GMNN: variants seen among roughly 807,000 people sequenced by gnomAD.
GMNN encodes geminin.
A neutral mutation model predicts 20.9 loss-of-function variants in GMNN; 14 were observed. The observed-to-expected ratio is 0.67, with a 90% CI of 0.44 to 1.05. The LOEUF (loss-of-function observed/expected upper bound fraction) is 1.05, where lower values mean the gene tolerates loss of function less well. Among genes scored for constraint, GMNN ranks in the 50% least tolerant of loss-of-function variants. The pLI, the probability that GMNN is intolerant of heterozygous loss-of-function variation, is 0.00. For synonymous variants in GMNN, 81 were observed against 85.8 expected (o/e 0.94, Z 0.31); for missense variants, 227 against 243.8 (o/e 0.93, Z 0.46).
chr6:24,780,262 G>A (rs1780174259), intron 2 of GMNN, among the ~76,000 whole-genome samples: 2 of 152,032 alleles, frequency 1.3e-5, no homozygotes. Flanking sequence ...TTAGAATTTT[G>A]TCATATGTGG....
intron 6 of GMNN, 64 bp from the exon 7 acceptor site, chr6:24,785,574 C>T (rs1780331355): frequency 1.3e-6 from 1 of 765,984 alleles, no homozygotes; most frequent in East Asian, 2.6e-5. Flanking sequence ...TCAGCTATAT[C>T]AGTATGCTGA....
In GMNN at chr6:24,781,464, G is replaced by A; in HGVS notation, c.130-13G>A. ...ATCAAAGTAAATACAGTTGATAAGT[G>A]TTTTCATTATAGCTGTCCGCAGGCT... On this transcript the variant is annotated splice_polypyrimidine_tract_variant and intron_variant, in intron 3 of 6. Coordinates refer to ENST00000230056, the MANE Select transcript of GMNN (RefSeq NM_015895.5). 1 of 1,561,010 alleles carries A rather than the reference G, an allele frequency of 6.4e-7. No homozygotes were observed.
intron 2 of GMNN, among the ~76,000 whole-genome samples, chr6:24,778,050 G>A (rs1335286420): frequency 2.6e-5 from 4 of 152,176 alleles, no homozygotes; most frequent in Non-Finnish European, 2.9e-5. Flanking sequence ...CAGCAGGACA[G>A]AGTTTGTTTA....
chr6:24,783,908 G>A (rs1007825245), intron 4 of GMNN, among the ~76,000 whole-genome samples, 179 bp from the exon 5 acceptor site: 6 of 151,916 alleles, frequency 3.9e-5, no homozygotes, highest in South Asian at 2.1e-4. Flanking sequence ...CTGAAGGATT[G>A]AAATCTTGGA....
chr6:24,783,144 C>T (rs1274726867), intron 4 of GMNN, among the ~76,000 whole-genome samples: 1 of 152,014 alleles, frequency 6.6e-6, no homozygotes, highest in East Asian at 1.9e-4. Context: ...TAAGGAAGTA[C>T]TCAAAAACGG....
chr6:24,784,269 G>T (rs1288892357), intron 5 of GMNN, 100 bp downstream of exon 5: 2 of 737,006 alleles, frequency 2.7e-6, no homozygotes, highest in African/African-American at 3.6e-5. Flanking sequence ...TTTAGTATTG[G>T]CTTAAGAAAA....
rs778546231 is a variant in GMNN, at chr6:24,781,593, C to G, written c.246C>G (p.Thr82=). ...AAAATAAAAATCTTGGAGGAGTCAC[C>G]CAGGAGTCATTTGATCTTATGATTA... is the stretch of plus-strand genomic sequence containing the variant. The part of the protein sequence containing the change: ...SSENKNLGGV[T]QESFDLMIKE... The change falls in exon 4 of 7, where the codon ACC becomes ACG. Residue 82 remains threonine (T), a synonymous_variant. Transcript: ENST00000230056. The G allele has an allele frequency of 1.3e-5, 19 of 1,516,838 alleles. No individual in the cohort carries two copies. In the South Asian group the frequency reaches 2.1e-4, roughly 17 times the overall value. The allele number at this position is 1,516,838 out of a possible 1,614,324, so 94.0% of individuals were successfully genotyped here.
At chr6:24,784,294 G>T in intron 5 of GMNN, 125 bp downstream of exon 5, 1 of 690,478 alleles carries the variant, frequency 1.4e-6, no homozygotes, top group South Asian at 1.7e-5. Flanking sequence ...AAGTAAAAAG[G>T]CAGCTCTTGA....
At chr6:24,775,343 T>A (rs1184566510) in intron 1 of GMNN, 99 bp downstream of exon 1, 1 of 152,250 alleles carries the variant, frequency 6.6e-6, no homozygotes, top group Non-Finnish European at 1.5e-5. Flanking sequence ...TTTGGCGCGC[T>A]CTCACTTCCG....
intron 4 of GMNN, 63 bp from the exon 5 acceptor site, chr6:24,784,024 G>A (rs1780284841): frequency 1.4e-6 from 1 of 732,712 alleles, no homozygotes. Flanking sequence ...AAATTTTTTT[G>A]AAACAAATTA....
intron 3 of GMNN, 95 bp from the exon 4 acceptor site, chr6:24,781,382 A>AT: frequency 1.4e-6 from 1 of 714,738 alleles, no homozygotes; most frequent in South Asian, 2.0e-5. Flanking sequence ...AAAGTTAGAT[A>AT]TGCGTACTCT....
intron 1 of GMNN, among the ~76,000 whole-genome samples, chr6:24,776,242 C>T (rs1780066310): frequency 6.6e-6 from 1 of 152,098 alleles, no homozygotes; most frequent in African/African-American, 2.4e-5. Context: ...GGACTACAGA[C>T]GAGCACCACC....
rs1439786295 is a variant in GMNN at position 24,775,098 on chromosome 6, G to A, written c.-172G>A. ...GCTACGTGCGTTCGCTACGAGGATT[G>A]AGCGTCTCCACCCAGTAAGTGGGCA... On this transcript the variant is annotated 5_prime_UTR_variant, in exon 1 of 7. Coordinates refer to ENST00000230056, the MANE Select transcript of GMNN (RefSeq NM_015895.5). 1 of 152,474 alleles carries A rather than the reference G, an allele frequency of 6.6e-6. No individual in the cohort carries two copies. The highest frequency in any genetic ancestry group is 1.5e-5 in the Non-Finnish European group (1 of 68,218). 9.4% of individuals were successfully genotyped at this position (152,474 alleles called of 1,614,324 possible).
chr6:24,783,500 A>G (rs1178754364), intron 4 of GMNN, among the ~76,000 whole-genome samples: 18 of 152,142 alleles, frequency 1.2e-4, no homozygotes, highest in Non-Finnish European at 7.4e-5. Flanking sequence ...CACAGTCTCA[A>G]ATATTTTGCT....
Position 24,785,896 on chromosome 6 carries a change from GAATCA to G in GMNN, c.*101_*105del. The G allele has an allele frequency of 1.4e-6, 1 of 717,368 alleles. No individual in the cohort carries two copies. 44.4% of individuals were successfully genotyped at this position (717,368 alleles called of 1,614,324 possible). On this transcript the variant is annotated 3_prime_UTR_variant, in exon 7 of 7. Coordinates refer to ENST00000230056, the MANE Select transcript of GMNN (RefSeq NM_015895.5). ...ACATAACTACATAATGCCAACTCTG[GAATCA>G]AATTTCCTTGTTTGAATCCTGGGAC...
intron 1 of GMNN, among the ~76,000 whole-genome samples, chr6:24,776,205 C>A (rs953578600): frequency 6.6e-6 from 1 of 152,032 alleles, no homozygotes. Flanking sequence ...TCAAGCGATA[C>A]TCCTGCCTCA....
chr6:24,784,292 A>T (rs1780293266), intron 5 of GMNN, 123 bp downstream of exon 5: 2 of 695,308 alleles, frequency 2.9e-6, no homozygotes, highest in East Asian at 5.2e-5. Context: ...TTAAGTAAAA[A>T]GGCAGCTCTT....
intron 4 of GMNN, among the ~76,000 whole-genome samples, chr6:24,782,723 T>C (rs1266785594): frequency 6.6e-6 from 1 of 152,198 alleles, no homozygotes; most frequent in Admixed American, 6.5e-5. Context: ...GACAAATAAC[T>C]ATATATCATG....
rs1780028866 is a variant in GMNN at position 24,775,213 on chromosome 6, C to T, written c.-57C>T. ...CTCCGGCCAACCTCTGAAGCCGCGTCCTACTTTGACAGCTGCAGGGCCGCG... is the reference window on the plus strand; with the variant it reads ...CTCCGGCCAACCTCTGAAGCCGCGTTCTACTTTGACAGCTGCAGGGCCGCG... On this transcript the variant is annotated 5_prime_UTR_variant, in exon 1 of 7. Transcript: ENST00000230056. The T allele has an allele frequency of 6.6e-6, 1 of 152,370 alleles. No homozygotes were observed. The highest frequency in any genetic ancestry group is 1.5e-5 in the Non-Finnish European group (1 of 68,134). The allele number at this position is 152,370 out of a possible 1,614,324, so 9.4% of individuals were successfully genotyped here. A position where few individuals can be genotyped will look rare whatever the true frequency, so the allele number is the denominator to read the frequency against.
Sources: allele counts gnomAD v4.1 joint callset (sites outside exome capture counted in the v4.1 genomes callset), GRCh38; gene constraint gnomAD v4.1.1; transcripts MANE v1.5; gene names NCBI Gene and HGNC (gene_info 2026-07-23, HGNC 2026-07-21).